Variants in LRP1B observed in about 807,000 individuals in gnomAD.
The protein encoded by LRP1B is LDL receptor related protein 1B, also known as low-density lipoprotein receptor-related protein 1B.
In LRP1B, 217 loss-of-function variants were observed where a neutral mutation model predicts 556.6. The observed-to-expected ratio is 0.39, with a 90% CI of 0.35 to 0.44. The LOEUF (loss-of-function observed/expected upper bound fraction) is 0.44, where lower values mean the gene tolerates loss of function less well. LRP1B is among the 20% of genes least tolerant of loss of function. The pLI, the probability that LRP1B is intolerant of heterozygous loss-of-function variation, is 1.00. For synonymous variants in LRP1B, 2,047 were observed against 1,865.8 expected (o/e 1.10, Z -2.50); for missense variants, 5,053 against 5,620.8 (o/e 0.90, Z 3.23).
At chr2:140,439,370 C>T (rs1686327710) in intron 66 of LRP1B, among the ~76,000 whole-genome samples, 1 of 152,016 alleles carries the variant, frequency 6.6e-6, no homozygotes, top group Admixed American at 6.6e-5. Flanking sequence ...CTTGTTTTTC[C>T]CTTGGTATAA....
intron 41 of LRP1B, among the ~76,000 whole-genome samples, chr2:140,612,673 G>A (rs771711909): frequency 6.6e-6 from 1 of 152,066 alleles, no homozygotes; most frequent in Non-Finnish European, 1.5e-5. Context: ...CGCTTGATCC[G>A]TCTTTAATCA....
At position 140,508,151 on chromosome 2, in the gene LRP1B, T is replaced by A. The variant is rs140297090; in HGVS notation, c.8399-1233A>T. On this transcript the variant is annotated intron_variant, in intron 52 of 90. Coordinates refer to ENST00000389484, the MANE Select transcript of LRP1B (RefSeq NM_018557.3). ...GTAATGGGTACTTGAAAAACTTAGG[T>A]GCCTTCTATTTCCCAATTCCATGTC... 2.5e-3 allele frequency among the ~76,000 whole-genome samples: 386 copies of A among 152,226 alleles called. 3 individuals are homozygous for A. Among genetic ancestry groups the A allele is most frequent in the African/African-American group, 8.9e-3 (370 of 41,548 alleles).
intron 43 of LRP1B, among the ~76,000 whole-genome samples, chr2:140,557,358 T>C (rs1050496811): frequency 3.3e-5 from 5 of 152,182 alleles, no homozygotes; most frequent in Non-Finnish European, 1.5e-5. Context: ...CTTGTCTCAA[T>C]TTAAAATTCA....
intron 1 of LRP1B, among the ~76,000 whole-genome samples, chr2:142,110,732 G>T (rs2104988118): frequency 6.6e-6 from 1 of 152,044 alleles, no homozygotes; most frequent in African/African-American, 2.4e-5. Flanking sequence ...GCCCACCTTG[G>T]GTTCACCAGA....
chr2:142,086,640 C>CAAACA (rs1366239561), intron 1 of LRP1B, among the ~76,000 whole-genome samples: 1 of 147,660 alleles, frequency 6.8e-6, no homozygotes, highest in Non-Finnish European at 1.5e-5. Flanking sequence ...AACAAACAAA[C>CAAACA]AAAAAAAAAA....
At chr2:140,814,457 C>G (rs1280928885) in intron 31 of LRP1B, among the ~76,000 whole-genome samples, 1 of 152,090 alleles carries the variant, frequency 6.6e-6, no homozygotes, top group South Asian at 2.1e-4. Context: ...AGTGGACATT[C>G]CAGATATTTT....
chr2:140,953,884 C>T (rs1695792656), intron 18 of LRP1B, among the ~76,000 whole-genome samples: 2 of 152,164 alleles, frequency 1.3e-5, no homozygotes, highest in Admixed American at 1.3e-4. Flanking sequence ...CCATCCAGCA[C>T]TCTTTGTACT....
chr2:141,508,082 T>TC (rs373915742), intron 2 of LRP1B, among the ~76,000 whole-genome samples: 16 of 41,184 alleles, frequency 3.9e-4, no homozygotes, highest in East Asian at 3.6e-3. Flanking sequence ...GGAGACTCCA[T>TC]CCCCCCCCCA....
chr2:140,371,069 AT>A (rs1297975187), intron 70 of LRP1B, 109 bp downstream of exon 70: 1 of 842,618 alleles, frequency 1.2e-6, no homozygotes, highest in Non-Finnish European at 1.8e-6. Flanking sequence ...CATATCTAAC[AT>A]GTTAAACCAT....
intron 1 of LRP1B, among the ~76,000 whole-genome samples, chr2:142,050,001 T>C (rs1015376528): frequency 3.3e-5 from 5 of 152,124 alleles, no homozygotes; most frequent in Admixed American, 2.0e-4. Flanking sequence ...AGGTAAAAAC[T>C]TACATAGTCT....
At chr2:141,439,518 C>T (rs1168730576) in intron 3 of LRP1B, among the ~76,000 whole-genome samples, 4 of 151,810 alleles carry the variant, frequency 2.6e-5, no homozygotes, top group East Asian at 1.9e-4. Flanking sequence ...AAAACTGCAG[C>T]TATTGCTCTG....
intron 11 of LRP1B, among the ~76,000 whole-genome samples, chr2:141,023,106 C>T (rs1253966098): frequency 6.6e-6 from 1 of 151,832 alleles, no homozygotes; most frequent in East Asian, 1.9e-4. Flanking sequence ...TGCACATTTA[C>T]TCATACTCAG....
chr2:140,263,456 T>C (rs1464319405), intron 86 of LRP1B, among the ~76,000 whole-genome samples: 2 of 152,138 alleles, frequency 1.3e-5, no homozygotes, highest in Non-Finnish European at 2.9e-5. Flanking sequence ...TTTCTACTTA[T>C]TTTTCAACAT....
chr2:141,763,503 G>T (rs754973427), intron 2 of LRP1B, among the ~76,000 whole-genome samples: 2 of 152,054 alleles, frequency 1.3e-5, no homozygotes, highest in African/African-American at 2.4e-5. Flanking sequence ...TCAAAAAACA[G>T]AACACAAGTA....
chr2:141,963,588 G>C (rs578148232), intron 1 of LRP1B, among the ~76,000 whole-genome samples: 2 of 151,690 alleles, frequency 1.3e-5, no homozygotes, highest in African/African-American at 4.8e-5. Flanking sequence ...TTGATGGGTC[G>C]TATTTCAAAA....
At chr2:141,101,350 T>C (rs1700456209) in intron 7 of LRP1B, among the ~76,000 whole-genome samples, 1 of 152,054 alleles carries the variant, frequency 6.6e-6, no homozygotes, top group Non-Finnish European at 1.5e-5. Flanking sequence ...ACTATGCCCA[T>C]CTCTATCTCA....
intron 66 of LRP1B, among the ~76,000 whole-genome samples, chr2:140,410,605 A>C (rs1333687860): frequency 6.6e-6 from 1 of 152,156 alleles, no homozygotes; most frequent in Non-Finnish European, 1.5e-5. Context: ...TAAAGGTGCC[A>C]ATAAAATTCT....
At chr2:140,353,639 A>G (rs1682075082) in intron 75 of LRP1B, among the ~76,000 whole-genome samples, 1 of 152,036 alleles carries the variant, frequency 6.6e-6, no homozygotes, top group African/African-American at 2.4e-5. Context: ...TTGGTCTCCA[A>G]CCATATATGG....
At position 140,231,726 on chromosome 2, in the gene LRP1B, GTT is replaced by G. The variant is rs1285967313; in HGVS notation, c.*1458_*1459del. The stretch of plus-strand genomic sequence containing the variant: ...CAAAAAGTCTTCTTATAAAACAGCA[GTT>G]TTTTTAATGCTTGTACAAAGGGATA... On this transcript the variant is annotated 3_prime_UTR_variant, in exon 91 of 91. Transcript: ENST00000389484. The G allele has an allele frequency of 6.6e-6, 1 of 151,448 alleles. No individual in the cohort carries two copies. The highest frequency in any genetic ancestry group is 1.5e-5 in the Non-Finnish European group (1 of 67,468). 9.4% of individuals were successfully genotyped at this position (151,448 alleles called of 1,614,324 possible). A position where few individuals can be genotyped will look rare whatever the true frequency, so the allele number is the denominator to read the frequency against.
Sources: gnomAD v4.1 joint callset for allele counts (sites outside exome capture counted in the v4.1 genomes callset) on GRCh38, gnomAD v4.1.1 for gene constraint, MANE v1.5 for transcripts, NCBI Gene and HGNC (gene_info 2026-07-23, HGNC 2026-07-21) for gene names.